Variants in LINGO2 observed in about 807,000 individuals in gnomAD.
The protein encoded by LINGO2 is leucine-rich repeat and immunoglobulin-like domain-containing nogo receptor-interacting protein 2.
LINGO2 carries 14 observed loss-of-function variants against 30.6 expected under a neutral mutation model. That is an observed-to-expected ratio of 0.46 (90% CI 0.30 to 0.72). The LOEUF is 0.72. Ranked by LOEUF, LINGO2 falls within the 30% of genes least tolerant of loss-of-function variation. The pLI is 0.07. For synonymous variants in LINGO2, 317 were observed against 288.5 expected, an observed-to-expected ratio of 1.10 and a Z score of -1.00; for missense variants, 729 against 751.7, an observed-to-expected ratio of 0.97 and a Z score of 0.35.
the LINGO2 span, among the ~76,000 whole-genome samples, chr9:29,166,454 T>C: frequency 1.3e-5 from 2 of 152,186 alleles, no homozygotes; most frequent in Admixed American, 6.5e-5. Flanking sequence ...GTCTCAGCCA[T>C]TCCTCATTCA....
At chr9:28,015,367 A>G (rs1233832705) in intron 4 of LINGO2, among the ~76,000 whole-genome samples, 2 of 152,160 alleles carry the variant, frequency 1.3e-5, no homozygotes, top group Non-Finnish European at 2.9e-5. Flanking sequence ...ATTGTTAAAG[A>G]TTATAAAAAT....
intron 2 of LINGO2, among the ~76,000 whole-genome samples, chr9:28,374,184 T>C (rs1821024550): frequency 7.1e-6 from 1 of 141,808 alleles, no homozygotes; most frequent in Non-Finnish European, 1.5e-5. Flanking sequence ...AACATGACTC[T>C]ACTTTTGTTA....
the LINGO2 span, among the ~76,000 whole-genome samples, chr9:28,719,850 A>G: frequency 1.6e-4 from 25 of 152,204 alleles, no homozygotes; most frequent in African/African-American, 6.0e-4. Context: ...CCTCTCATTT[A>G]TCTCTTTCTC....
At chr9:28,406,138 C>T (rs548925019) in intron 2 of LINGO2, among the ~76,000 whole-genome samples, 4 of 152,138 alleles carry the variant, frequency 2.6e-5, no homozygotes, top group African/African-American at 4.8e-5. Context: ...GACTTACATT[C>T]GAGATTTCTG....
At chr9:28,238,246 G>A (rs760887360) in intron 4 of LINGO2, among the ~76,000 whole-genome samples, 9 of 151,708 alleles carry the variant, frequency 5.9e-5, no homozygotes, top group Admixed American at 2.6e-4. Context: ...GAAAATCAAC[G>A]ACAACAACAA....
the LINGO2 span, among the ~76,000 whole-genome samples, chr9:29,043,383 G>T: frequency 1.7e-3 from 253 of 151,938 alleles, 2 homozygotes; most frequent in Admixed American, 3.4e-3. Flanking sequence ...AAGATGATAA[G>T]GTCTATGATT....
chr9:28,087,251 C>G (rs1348201968), intron 4 of LINGO2, among the ~76,000 whole-genome samples: 4 of 151,886 alleles, frequency 2.6e-5, no homozygotes, highest in Non-Finnish European at 5.9e-5. Context: ...TTGGAAGTGC[C>G]CAGCTGACCC....
chr9:29,211,558 C>CTTCTT, the LINGO2 span, among the ~76,000 whole-genome samples: 1 of 123,050 alleles, frequency 8.1e-6, no homozygotes, highest in Non-Finnish European at 1.7e-5. Context: ...CCTTCTCATC[C>CTTCTT]TTCTCTTCTC....
intron 1 of LINGO2, among the ~76,000 whole-genome samples, chr9:28,638,722 T>C (rs1488336451): frequency 6.6e-6 from 1 of 152,186 alleles, no homozygotes; most frequent in Non-Finnish European, 1.5e-5. Flanking sequence ...TCTTCTTTAT[T>C]AGTCTTGCTA....
At chr9:28,314,017 T>A (rs1202688730) in intron 3 of LINGO2, among the ~76,000 whole-genome samples, 1 of 152,066 alleles carries the variant, frequency 6.6e-6, no homozygotes, top group Non-Finnish European at 1.5e-5. Context: ...CACTGCAGGC[T>A]CCACCCCGCG....
At chr9:28,226,634 G>GAAA (rs1821160329) in intron 4 of LINGO2, among the ~76,000 whole-genome samples, 7 of 83,152 alleles carry the variant, frequency 8.4e-5, no homozygotes, top group South Asian at 4.5e-4. Flanking sequence ...AAGGAAAGAA[G>GAAA]GAAAGAAGGA....
At chr9:28,878,346 A>G in the LINGO2 span, among the ~76,000 whole-genome samples, 78 of 152,318 alleles carry the variant, frequency 5.1e-4, no homozygotes, top group African/African-American at 1.8e-3. Context: ...GCAATATTCA[A>G]TAGCTTACCA....
chr9:29,180,286 TATC>T, the LINGO2 span, among the ~76,000 whole-genome samples: 2 of 152,190 alleles, frequency 1.3e-5, no homozygotes, highest in East Asian at 3.8e-4. Context: ...GAAACAAGAT[TATC>T]ATCAACAGGA....
intron 4 of LINGO2, among the ~76,000 whole-genome samples, chr9:28,235,598 G>A (rs967124806): frequency 6.6e-5 from 10 of 152,136 alleles, no homozygotes; most frequent in African/African-American, 1.7e-4. Flanking sequence ...TCCAGATAAC[G>A]CAGAGACGAA....
At chr9:28,819,906 T>C in the LINGO2 span, among the ~76,000 whole-genome samples, 1 of 152,144 alleles carries the variant, frequency 6.6e-6, no homozygotes, top group African/African-American at 2.4e-5. Flanking sequence ...GGGAGGAGCA[T>C]ACATATATAA....
At position 28,148,646 on chromosome 9, in the gene LINGO2, C is replaced by A. The variant is rs940399584; in HGVS notation, c.-86-136241G>T. The A allele has an allele frequency of 2.0e-6, 3 of 1,531,532 alleles. No homozygotes were observed. The highest frequency in any genetic ancestry group is 2.6e-6 in the Non-Finnish European group (3 of 1,144,118). 94.9% of individuals were successfully genotyped at this position (1,531,532 alleles called of 1,614,324 possible). A position where few individuals can be genotyped will look rare whatever the true frequency, so the allele number is the denominator to read the frequency against. On this transcript the variant is annotated intron_variant, in intron 4 of 5. Coordinates refer to ENST00000379992, the Ensembl canonical transcript of LINGO2. The surrounding 1 kb of genome is among the most constrained non-coding windows in gnomAD (Gnocchi z 5.1). ...CCTCAAGAGCTTGACAGAAAACAAC[C>A]AGACTGACAAGGCCCAGGTGCCTGC...
the LINGO2 span, among the ~76,000 whole-genome samples, chr9:28,760,752 T>C: frequency 6.6e-6 from 1 of 151,916 alleles, no homozygotes; most frequent in African/African-American, 2.4e-5. Flanking sequence ...GAACACACAA[T>C]GTTTGGTTTT....
the LINGO2 span, among the ~76,000 whole-genome samples, chr9:28,763,580 G>T: frequency 6.7e-6 from 1 of 149,718 alleles, no homozygotes; most frequent in African/African-American, 2.5e-5. Context: ...CATTAAAAAA[G>T]AAAAACAATT....
intron 4 of LINGO2, among the ~76,000 whole-genome samples, chr9:28,102,741 A>T (rs1363376974): frequency 6.6e-6 from 1 of 151,922 alleles, no homozygotes; most frequent in Non-Finnish European, 1.5e-5. Flanking sequence ...ACTAATAAGC[A>T]TAAAAAATGT....
Sources: gnomAD v4.1 joint callset for allele counts (sites outside exome capture counted in the v4.1 genomes callset) on GRCh38, gnomAD v4.1.1 for gene constraint, Gnocchi (gnomAD v3.1) non-coding constraint, MANE v1.5 for transcripts, NCBI Gene and HGNC (gene_info 2026-07-23, HGNC 2026-07-21) for gene names.